PPARGC1A: variants seen among roughly 807,000 people sequenced by gnomAD.
The protein encoded by PPARGC1A is PPARG coactivator 1 alpha.
A neutral mutation model predicts 88.7 loss-of-function variants in PPARGC1A; 25 were observed. That is an observed-to-expected ratio of 0.28 (90% CI 0.21 to 0.39). The LOEUF is 0.39. PPARGC1A is among the 10% of genes least tolerant of loss of function. The pLI, the probability that PPARGC1A is intolerant of heterozygous loss-of-function variation, is 1.00. For synonymous variants in PPARGC1A, 363 were observed against 355.6 expected (o/e 1.02, Z -0.24); for missense variants, 880 against 968.7 (o/e 0.91, Z 1.22).
At chr4:24,442,311 A>G in the PPARGC1A span, among the ~76,000 whole-genome samples, 1 of 152,224 alleles carries the variant, frequency 6.6e-6, no homozygotes, top group Admixed American at 6.5e-5. Flanking sequence ...CAACATGAAA[A>G]GGTTCATGGG....
At chr4:24,463,127 T>C in the PPARGC1A span, among the ~76,000 whole-genome samples, 1 of 152,206 alleles carries the variant, frequency 6.6e-6, no homozygotes, top group East Asian at 1.9e-4. Flanking sequence ...CATTCTTATG[T>C]GTTTATAATG....
the PPARGC1A span, among the ~76,000 whole-genome samples, chr4:24,349,760 TC>T: frequency 6.6e-6 from 1 of 152,124 alleles, no homozygotes; most frequent in Admixed American, 6.5e-5. Context: ...CTTTAGTTCT[TC>T]CCCGTCCTGT....
At chr4:24,301,820 C>T in the PPARGC1A span, among the ~76,000 whole-genome samples, 1 of 152,082 alleles carries the variant, frequency 6.6e-6, no homozygotes, top group African/African-American at 2.4e-5. Context: ...CCCTCAAATG[C>T]AAAGATCCTG....
At chr4:24,344,220 G>A in the PPARGC1A span, among the ~76,000 whole-genome samples, 1 of 152,074 alleles carries the variant, frequency 6.6e-6, no homozygotes, top group Non-Finnish European at 1.5e-5. Context: ...GTGTGCACAA[G>A]TATCTTTTTT....
the PPARGC1A span, among the ~76,000 whole-genome samples, chr4:24,103,257 C>A: frequency 1.3e-5 from 2 of 152,100 alleles, no homozygotes; most frequent in Non-Finnish European, 2.9e-5. Flanking sequence ...CCATTAGCCA[C>A]ACTCTCAACT....
chr4:23,934,046 T>A, the PPARGC1A span, among the ~76,000 whole-genome samples: 3 of 152,160 alleles, frequency 2.0e-5, no homozygotes, highest in African/African-American at 7.2e-5. Context: ...CCCAAAGTTA[T>A]TAGAATCCCT....
At chr4:24,240,685 G>A in the PPARGC1A span, among the ~76,000 whole-genome samples, 1 of 152,090 alleles carries the variant, frequency 6.6e-6, no homozygotes, top group East Asian at 1.9e-4. Flanking sequence ...ATCAAAATTG[G>A]GATATAAAGC....
the PPARGC1A span, among the ~76,000 whole-genome samples, chr4:24,261,651 G>A: frequency 0.047 from 7,117 of 152,298 alleles, 218 homozygotes; most frequent in Middle Eastern, 0.099. Flanking sequence ...TTAGTCACGA[G>A]AATGTAATTG....
intron 2 of PPARGC1A, chr4:23,877,564 A>AG (rs1265437476): frequency 2.9e-5 from 4 of 138,708 alleles, no homozygotes; most frequent in Non-Finnish European, 6.3e-5. Context: ...AAAAAAAAAA[A>AG]GTTAAAAGGA....
intron 2 of PPARGC1A, among the ~76,000 whole-genome samples, chr4:23,838,525 A>G (rs2148592057): frequency 6.6e-6 from 1 of 152,320 alleles, no homozygotes; most frequent in East Asian, 1.9e-4. Flanking sequence ...AAATCAAGAC[A>G]ATAAATACCA....
chr4:23,988,843 T>A, the PPARGC1A span, among the ~76,000 whole-genome samples: 8 of 147,968 alleles, frequency 5.4e-5, no homozygotes, highest in Non-Finnish European at 3.0e-5. Context: ...CATTATATAT[T>A]ACTATGTATT....
chr4:24,114,736 G>T, the PPARGC1A span, among the ~76,000 whole-genome samples: 1 of 152,154 alleles, frequency 6.6e-6, no homozygotes, highest in Non-Finnish European at 1.5e-5. Flanking sequence ...TGCACTAAAA[G>T]CACATTATTA....
At chr4:24,275,261 A>G in the PPARGC1A span, among the ~76,000 whole-genome samples, 1 of 152,232 alleles carries the variant, frequency 6.6e-6, no homozygotes, top group African/African-American at 2.4e-5. Flanking sequence ...TGGCATCAGC[A>G]TATTACAAAA....
chr4:23,842,906 A>C (rs1331756604), intron 2 of PPARGC1A, among the ~76,000 whole-genome samples: 2 of 152,154 alleles, frequency 1.3e-5, no homozygotes, highest in Non-Finnish European at 2.9e-5. Flanking sequence ...TCTCTAACAC[A>C]TGTGATTCTA....
At chr4:24,138,427 G>T in the PPARGC1A span, among the ~76,000 whole-genome samples, 33 of 152,182 alleles carry the variant, frequency 2.2e-4, no homozygotes, top group Admixed American at 6.5e-5. Flanking sequence ...ATACACCAGG[G>T]TATACAGAAC....
At chr4:23,962,737 C>A in the PPARGC1A span, among the ~76,000 whole-genome samples, 1 of 152,110 alleles carries the variant, frequency 6.6e-6, no homozygotes, top group Admixed American at 6.6e-5. Flanking sequence ...GACTGAAACC[C>A]AAGTAGGGAA....
chr4:23,945,546 G>C, the PPARGC1A span, among the ~76,000 whole-genome samples: 13 of 152,278 alleles, frequency 8.5e-5, no homozygotes, highest in Non-Finnish European at 1.5e-5. Context: ...CATGAGGACA[G>C]AATTTGAGAG....
upstream of PPARGC1A, chr4:23,904,164 T>C: frequency 2.2e-6 from 1 of 453,430 alleles, no homozygotes; most frequent in Non-Finnish European, 2.9e-6. Flanking sequence ...GAGTCACTAC[T>C]AAATGAACTC....
chr4:23,843,990 C>G (rs1159902531), intron 2 of PPARGC1A, among the ~76,000 whole-genome samples: 1 of 151,572 alleles, frequency 6.6e-6, no homozygotes, highest in African/African-American at 2.4e-5. Flanking sequence ...TATAAACATG[C>G]ATATTTATGT....
Sources: gnomAD v4.1 joint callset for allele counts (sites outside exome capture counted in the v4.1 genomes callset) on GRCh38, gnomAD v4.1.1 for gene constraint, MANE v1.5 for transcripts, NCBI Gene and HGNC (gene_info 2026-07-23, HGNC 2026-07-21) for gene names.